Variants in LRRC8D observed in about 807,000 individuals in gnomAD.
The protein encoded by LRRC8D is leucine rich repeat containing 8 VRAC subunit D.
A neutral mutation model predicts 55.8 loss-of-function variants in LRRC8D; 20 were observed. The observed-to-expected ratio is 0.36, with a 90% confidence interval of 0.25 to 0.52. The LOEUF (loss-of-function observed/expected upper bound fraction) is 0.52. Ranked by LOEUF, LRRC8D falls within the 20% of genes least tolerant of loss-of-function variation. The probability of loss-of-function intolerance (pLI) is 0.93; values close to 1 mark genes in which losing one functional copy is unlikely to be tolerated. For synonymous variants in LRRC8D, 352 were observed against 377.0 expected (o/e 0.93, Z 0.77); for missense variants, 651 against 1,030.8 (o/e 0.63, Z 5.05).
At chr1:89,888,510 C>T (rs1003034641) in intron 2 of LRRC8D, among the ~76,000 whole-genome samples, 11 of 152,134 alleles carry the variant, frequency 7.2e-5, no homozygotes, top group African/African-American at 1.7e-4. Context: ...CAAGTTAGTA[C>T]GCACACAATT....
At chr1:89,865,050 C>G (rs1299671461) in intron 2 of LRRC8D, among the ~76,000 whole-genome samples, 1 of 152,150 alleles carries the variant, frequency 6.6e-6, no homozygotes, top group Non-Finnish European at 1.5e-5. Context: ...ACATCTCCAA[C>G]ATTTCACTTA....
chr1:89,858,317 G>C lies in LRRC8D; in HGVS notation c.-3+14535G>C, dbSNP rs1661613069. Reference sequence around the variant, plus strand: ...TATCTCCTTTTGGGTGGGGTGGAGAGGGGATGTCAGGTAGTATCTGTGGTA... The same window carrying C: ...TATCTCCTTTTGGGTGGGGTGGAGACGGGATGTCAGGTAGTATCTGTGGTA... On this transcript the variant is annotated intron_variant, in intron 2 of 2. Coordinates refer to ENST00000337338, the MANE Select transcript of LRRC8D (RefSeq NM_001134479.2). Among the ~76,000 whole-genome samples the C allele has an allele frequency of 2.0e-5, 3 of 152,182 alleles. No individual in the cohort carries two copies. In the South Asian group the frequency reaches 6.2e-4, roughly 32 times the overall value.
intron 2 of LRRC8D, among the ~76,000 whole-genome samples, chr1:89,876,597 A>G (rs1662154032): frequency 6.6e-6 from 1 of 152,220 alleles, no homozygotes; most frequent in South Asian, 2.1e-4. Context: ...GTGGGAGATC[A>G]GATATTAAGG....
intron 1 of LRRC8D, 119 bp downstream of exon 1, chr1:89,821,410 T>C (rs1218310980): frequency 6.6e-6 from 1 of 152,098 alleles, no homozygotes; most frequent in Non-Finnish European, 1.5e-5. Context: ...CGAGCTGCGG[T>C]TGCGGCCGGG....
At chr1:89,924,631 T>C (rs953737853) in intron 2 of LRRC8D, among the ~76,000 whole-genome samples, 1 of 152,220 alleles carries the variant, frequency 6.6e-6, no homozygotes, top group Admixed American at 6.5e-5. Flanking sequence ...ATTGCAGCAC[T>C]ATTCACAATA....
At chr1:89,899,399 C>A (rs1662792941) in intron 2 of LRRC8D, among the ~76,000 whole-genome samples, 1 of 152,184 alleles carries the variant, frequency 6.6e-6, no homozygotes, top group African/African-American at 2.4e-5. Flanking sequence ...TGCTGCTGTG[C>A]CATGTCTGGC....
At chr1:89,852,631 G>A (rs1297978520) in intron 2 of LRRC8D, among the ~76,000 whole-genome samples, 1 of 152,170 alleles carries the variant, frequency 6.6e-6, no homozygotes. Flanking sequence ...ATATTGTGAC[G>A]ATAATGATAG....
chr1:89,920,208 T>TA (rs1401576467), intron 2 of LRRC8D, among the ~76,000 whole-genome samples: 2 of 152,250 alleles, frequency 1.3e-5, no homozygotes, highest in African/African-American at 2.4e-5. Context: ...TATTTAGAGT[T>TA]ATGTTCCTTA....
chr1:89,920,432 T>G (rs2100969419), intron 2 of LRRC8D, among the ~76,000 whole-genome samples: 1 of 152,268 alleles, frequency 6.6e-6, no homozygotes, highest in African/African-American at 2.4e-5. Context: ...TTGATAAGTT[T>G]TATATAAGGA....
At chr1:89,865,939 T>C (rs1661830065) in intron 2 of LRRC8D, among the ~76,000 whole-genome samples, 1 of 152,352 alleles carries the variant, frequency 6.6e-6, no homozygotes, top group South Asian at 2.1e-4. Context: ...AGGAAGTCAA[T>C]AGATTATAGA....
In LRRC8D at chr1:89,934,306, A is replaced by G; in HGVS notation, c.1238A>G (p.Lys413Arg). The G allele has an allele frequency of 6.2e-7, 1 of 1,614,054 alleles. No individual in the cohort carries two copies. Among genetic ancestry groups the G allele is most frequent in the African/African-American group, 1.3e-5 (1 of 75,056 alleles). Reference protein sequence around the residue: ...ESSFSDIPDVKNDFAFLLHMV... With the variant: ...ESSFSDIPDVRNDFAFLLHMV... ...AGTTTTAGTGACATTCCAGATGTCAAAAACGATTTTGCGTTCCTTCTTCAC... is the reference window on the plus strand; with the variant it reads ...AGTTTTAGTGACATTCCAGATGTCAGAAACGATTTTGCGTTCCTTCTTCAC... Residue 413 changes from lysine to arginine, a missense_variant, in exon 3 of 3, where the codon AAA (lysine) becomes AGA (arginine). This residue lies in a region of LRRC8D where 178 missense variants were observed against 374.9 expected (regional missense o/e 0.47). Transcript: ENST00000337338. The surrounding 1 kb of genome is among the most constrained non-coding windows in gnomAD (Gnocchi z 5.9).
chr1:89,833,061 A>G (rs1660922997), intron 1 of LRRC8D, among the ~76,000 whole-genome samples: 1 of 152,238 alleles, frequency 6.6e-6, no homozygotes, highest in African/African-American at 2.4e-5. Context: ...CCATGGCTTC[A>G]GGATCTGTGC....
At chr1:89,914,232 A>G (rs1287686561) in intron 2 of LRRC8D, among the ~76,000 whole-genome samples, 26 of 152,242 alleles carry the variant, frequency 1.7e-4, no homozygotes, top group Non-Finnish European at 3.5e-4. Flanking sequence ...TCAAGAATGA[A>G]GGGCTGGCCA....
chr1:89,933,886 T>C lies in LRRC8D; in HGVS notation c.818T>C (p.Met273Thr). ...AEKPVIEVPS[M>T]TILDKKDGEQ... ...AAGCCTGTGATTGAAGTTCCCAGCA[T>C]GACAATCCTGGATAAAAAGGATGGA... The change falls in exon 3 of 3, where the codon ATG becomes ACG. Residue 273 changes from methionine to threonine, a missense_variant. Physicochemically the swap from Met to Thr is moderately conservative, Grantham distance 81. Around this residue, in one of 5 missense-constraint regions of LRRC8D, gnomAD observed 178 missense variants for 374.9 expected, o/e 0.47. Transcript: ENST00000337338. The surrounding 1 kb of genome is among the most constrained non-coding windows in gnomAD (Gnocchi z 7.0). The C allele has an allele frequency of 6.2e-7, 1 of 1,613,810 alleles. No homozygotes were observed. Among genetic ancestry groups the C allele is most frequent in the Non-Finnish European group, 8.5e-7 (1 of 1,179,832 alleles).
chr1:89,843,781 A>G lies in LRRC8D; in HGVS notation c.-4A>G, dbSNP rs1046640785. On this transcript the variant is annotated splice_region_variant and 5_prime_UTR_variant, in exon 2 of 3. Coordinates refer to ENST00000337338, the MANE Select transcript of LRRC8D (RefSeq NM_001134479.2). The stretch of plus-strand genomic sequence containing the variant: ...AGAGAACAGGGTGGCCGCTTGGTCC[A>G]GGTGCGCGGGGTCGGGTCTGGGTCC... 3 of 680,904 alleles carry G rather than the reference A, an allele frequency of 4.4e-6. No individual in the cohort carries two copies. The highest frequency in any genetic ancestry group is 8.1e-6 in the Non-Finnish European group (3 of 372,546). 42.2% of individuals were successfully genotyped at this position (680,904 alleles called of 1,614,324 possible). A position where few individuals can be genotyped will look rare whatever the true frequency, so the allele number is the denominator to read the frequency against.
At chr1:89,921,688 G>A (rs1663423226) in intron 2 of LRRC8D, among the ~76,000 whole-genome samples, 1 of 152,018 alleles carries the variant, frequency 6.6e-6, no homozygotes, top group Non-Finnish European at 1.5e-5. Flanking sequence ...GGGATTCCAG[G>A]CATCTGCCAC....
At chr1:89,921,849 T>G (rs1663428877) in intron 2 of LRRC8D, among the ~76,000 whole-genome samples, 1 of 152,032 alleles carries the variant, frequency 6.6e-6, no homozygotes, top group African/African-American at 2.4e-5. Context: ...CGGCCAACTT[T>G]TAAAGTTTTA....
chr1:89,867,733 A>G (rs982575098), intron 2 of LRRC8D, among the ~76,000 whole-genome samples: 4 of 152,190 alleles, frequency 2.6e-5, no homozygotes, highest in African/African-American at 4.8e-5. Flanking sequence ...CCCACCAGCA[A>G]TGTCGTTTTT....
chr1:89,882,477 T>A (rs1451364339), intron 2 of LRRC8D, among the ~76,000 whole-genome samples: 1 of 152,214 alleles, frequency 6.6e-6, no homozygotes, highest in South Asian at 2.1e-4. Context: ...CTGCAGGCGC[T>A]GTGAGTCCAC....
Sources: gnomAD v4.1 joint callset for allele counts (sites outside exome capture counted in the v4.1 genomes callset) on GRCh38, gnomAD v4.1.1 for gene constraint, gnomAD v4.1.1 regional missense constraint, Gnocchi (gnomAD v3.1) non-coding constraint, MANE v1.5 for transcripts, NCBI Gene and HGNC (gene_info 2026-07-23, HGNC 2026-07-21) for gene names.